TSC22D2: variants seen among roughly 807,000 people sequenced by gnomAD.
TSC22D2 encodes TSC22 domain family protein 2.
In TSC22D2, 5 loss-of-function variants were observed where a neutral mutation model predicts 50.1. That is an observed-to-expected ratio of 0.10 (90% CI 0.05 to 0.21). The LOEUF is 0.21. Ranked by LOEUF, TSC22D2 falls within the 10% of genes least tolerant of loss-of-function variation. The pLI, the probability that TSC22D2 is intolerant of heterozygous loss-of-function variation, is 1.00. For missense variants in TSC22D2, 1,003 were observed against 1,015.5 expected, an observed-to-expected ratio of 0.99 and a Z score of 0.17; for synonymous variants, 501 against 450.1, an observed-to-expected ratio of 1.11 and a Z score of -1.43.
chr3:150,463,056 T>G lies in TSC22D2; in HGVS notation c.*4420T>G, dbSNP rs1251943201. 1.3e-5 allele frequency: 2 copies of G among 152,242 alleles called. No individual in the cohort carries two copies. Among genetic ancestry groups the G allele is most frequent in the Admixed American group, 6.5e-5 (1 of 15,278 alleles). 9.4% of individuals were successfully genotyped at this position (152,242 alleles called of 1,614,324 possible). A position where few individuals can be genotyped will look rare whatever the true frequency, so the allele number is the denominator to read the frequency against. ...CTGTGAAATGAAAGTCTTTGTTTCC[T>G]TAAAGGGATTTCAAGAATTTAACAA... On this transcript the variant is annotated 3_prime_UTR_variant, in exon 3 of 3. Coordinates refer to ENST00000688009, the MANE Select transcript of TSC22D2 (RefSeq NM_001303264.2).
Position 150,409,250 on chromosome 3 carries a change from G to T in TSC22D2, c.-101G>T. 1 of 1,388,292 alleles carries T rather than the reference G, an allele frequency of 7.2e-7. No homozygotes were observed. The highest frequency in any genetic ancestry group is 2.4e-5 in the Admixed American group (1 of 41,268). The allele number at this position is 1,388,292 out of a possible 1,614,324, so 86.0% of individuals were successfully genotyped here. On this transcript the variant is annotated 5_prime_UTR_variant, in exon 1 of 3. Transcript: ENST00000688009. This position sits in a 1 kb window ranked among gnomAD's most constrained non-coding sequence, Gnocchi z 7.4. ...GCGGCGGGCCTCAGACCCCAGCGCA[G>T]ACTCGGACTTTGTCTTTGGGGGCCC...
In TSC22D2 at chr3:150,459,569, G is replaced by GTTGTTTTTTTTTTTTTT. The variant is rs1721310171; in HGVS notation, c.*949_*950insTTTGTTTTTTTTTTTTT. On this transcript the variant is annotated 3_prime_UTR_variant, in exon 3 of 3. Transcript: ENST00000688009. ...GTGTAATGGAGTTTGGTTTTTTTTT[G>GTTGTTTTTTTTTTTTTT]TTGTTTTTTTTTTTTTGTCTTTTTT... 1.2e-5 allele frequency: 1 copy of GTTGTTTTTTTTTTTTTT among 86,050 alleles called. No individual in the cohort carries two copies. Among genetic ancestry groups the GTTGTTTTTTTTTTTTTT allele is most frequent in the Non-Finnish European group, 2.5e-5 (1 of 40,226 alleles). The allele number at this position is 86,050 out of a possible 1,614,324, so 5.3% of individuals were successfully genotyped here. A position where few individuals can be genotyped will look rare whatever the true frequency, so the allele number is the denominator to read the frequency against.
chr3:150,428,615 T>A (rs35598887), intron 1 of TSC22D2, among the ~76,000 whole-genome samples: 22,181 of 150,956 alleles, frequency 0.15, 1,811 homozygotes, highest in Non-Finnish European at 0.2. Context: ...AAAAACATAC[T>A]TAGATATGTG....
chr3:150,421,131 T>G (rs1028117519), intron 1 of TSC22D2, among the ~76,000 whole-genome samples: 2 of 152,208 alleles, frequency 1.3e-5, no homozygotes, highest in Non-Finnish European at 2.9e-5. Context: ...ATCATCCTTA[T>G]AAATATATTG....
chr3:150,453,264 A>T (rs1053704865), intron 1 of TSC22D2, among the ~76,000 whole-genome samples: 1 of 151,754 alleles, frequency 6.6e-6, no homozygotes, highest in Non-Finnish European at 1.5e-5. Context: ...ATATAGTATT[A>T]TAACATTAGG....
Position 150,456,199 on chromosome 3 carries a change from T to G in TSC22D2, c.1959-877T>G, listed in dbSNP as rs544598962. On this transcript the variant is annotated intron_variant, in intron 1 of 2. Transcript: ENST00000688009. Reference sequence around the variant, plus strand: ...CTTTTTGTTTTTTTTTTTTTTGTTTTTTTTTGAGATGGAGTTTTGCTCTTG... The same window carrying G: ...CTTTTTGTTTTTTTTTTTTTTGTTTGTTTTTGAGATGGAGTTTTGCTCTTG... Among the ~76,000 whole-genome samples, 182 of 151,374 alleles carry G rather than the reference T, an allele frequency of 1.2e-3. 1 individual carries two copies. The South Asian group carries it at 0.022, about 19-fold the overall frequency.
chr3:150,450,904 A>T (rs1029626916), intron 1 of TSC22D2, among the ~76,000 whole-genome samples: 2 of 152,172 alleles, frequency 1.3e-5, no homozygotes, highest in Non-Finnish European at 2.9e-5. Context: ...AGTAGTAATG[A>T]TGTTATTACA....
chr3:150,442,916 C>T (rs1720764362), intron 1 of TSC22D2, among the ~76,000 whole-genome samples: 1 of 152,158 alleles, frequency 6.6e-6, no homozygotes, highest in African/African-American at 2.4e-5. Context: ...GCATTCCAAC[C>T]TGGAAGACAG....
intron 1 of TSC22D2, among the ~76,000 whole-genome samples, chr3:150,424,748 G>A (rs1174932532): frequency 6.6e-6 from 1 of 152,120 alleles, no homozygotes; most frequent in Non-Finnish European, 1.5e-5. Context: ...AGCCAAAGAA[G>A]TTAGTGGATA....
chr3:150,411,870 G>GT (rs1290379924), intron 1 of TSC22D2, among the ~76,000 whole-genome samples: 2 of 152,160 alleles, frequency 1.3e-5, no homozygotes. Context: ...ATTAAAGGAG[G>GT]TACAAGGTCA....
intron 1 of TSC22D2, among the ~76,000 whole-genome samples, chr3:150,414,357 C>T (rs966542896): frequency 1.3e-5 from 2 of 152,196 alleles, no homozygotes; most frequent in Admixed American, 6.5e-5. Flanking sequence ...ACTACGTACA[C>T]ACTTAACAGT....
chr3:150,412,112 C>G (rs1384502763), intron 1 of TSC22D2, among the ~76,000 whole-genome samples: 1 of 151,348 alleles, frequency 6.6e-6, no homozygotes, highest in Non-Finnish European at 1.5e-5. Context: ...TTTTTAATGG[C>G]CTAAATAAGA....
chr3:150,447,030 A>T (rs1720909574), intron 1 of TSC22D2, among the ~76,000 whole-genome samples: 1 of 152,190 alleles, frequency 6.6e-6, no homozygotes, highest in South Asian at 2.1e-4. Context: ...ATGAGCAAAA[A>T]TTATGTGCTT....
chr3:150,428,367 A>C (rs1470510672), intron 1 of TSC22D2, among the ~76,000 whole-genome samples: 1 of 152,070 alleles, frequency 6.6e-6, no homozygotes, highest in Non-Finnish European at 1.5e-5. Context: ...ACTGGTACTT[A>C]GAGGATGAAA....
chr3:150,456,517 A>G (rs6770424), intron 1 of TSC22D2, among the ~76,000 whole-genome samples: 88,153 of 151,626 alleles, frequency 0.58, 26,046 homozygotes, highest in Non-Finnish European at 0.64. Flanking sequence ...AACCAATCCT[A>G]CCCAAAGACT....
chr3:150,454,443 GCTT>G (rs762937820), intron 1 of TSC22D2, among the ~76,000 whole-genome samples: 4 of 152,126 alleles, frequency 2.6e-5, no homozygotes, highest in African/African-American at 4.8e-5. Context: ...ATAGAATTAG[GCTT>G]CTTAATTTTT....
At position 150,431,260 on chromosome 3, in the gene TSC22D2, A is replaced by G. The variant is rs926371336; in HGVS notation, c.1958+19952A>G. Among the ~76,000 whole-genome samples, 8 of 149,246 alleles carry G rather than the reference A, an allele frequency of 5.4e-5. No homozygotes were observed. The East Asian group carries it at 1.4e-3, about 26-fold the overall frequency. ...AAAAAAAAAAAAAAAAAGAGTAGAT[A>G]GGAAATACCATATCCATTTAACTTC... On this transcript the variant is annotated intron_variant, in intron 1 of 2. Coordinates refer to ENST00000688009, the MANE Select transcript of TSC22D2 (RefSeq NM_001303264.2).
chr3:150,429,171 T>C (rs1289354119), intron 1 of TSC22D2, among the ~76,000 whole-genome samples: 1 of 152,112 alleles, frequency 6.6e-6, no homozygotes, highest in East Asian at 1.9e-4. Context: ...TAAATGTTGA[T>C]CTGAATAGAG....
chr3:150,445,987 G>A (rs1433464136), intron 1 of TSC22D2, among the ~76,000 whole-genome samples: 8 of 151,590 alleles, frequency 5.3e-5, no homozygotes, highest in Admixed American at 1.3e-4. Flanking sequence ...CCAGCTACTC[G>A]GGAGGCTGAG....
Sources: allele counts gnomAD v4.1 joint callset (sites outside exome capture counted in the v4.1 genomes callset), GRCh38; gene constraint gnomAD v4.1.1; non-coding constraint Gnocchi (gnomAD v3.1); transcripts MANE v1.5; gene names NCBI Gene and HGNC (gene_info 2026-07-23, HGNC 2026-07-21).